Variants in HAO1 observed in about 807,000 individuals in gnomAD.
The protein encoded by HAO1 is hydroxyacid oxidase 1, also known as 2-Hydroxyacid oxidase 1.
HAO1 carries 34 observed loss-of-function variants against 39.7 expected under a neutral mutation model. The observed-to-expected ratio is 0.86, with a 90% confidence interval of 0.65 to 1.14. HAO1 has a LOEUF of 1.14. Ranked by LOEUF, HAO1 falls within the 50% of genes most tolerant of loss-of-function variation. The pLI, the probability that HAO1 is intolerant of heterozygous loss-of-function variation, is 0.00. For missense variants in HAO1, 479 were observed against 464.5 expected (o/e 1.03, Z -0.29); for synonymous variants, 172 against 173.2 (o/e 0.99, Z 0.05).
chr20:7,894,581 G>A (rs1485059778), intron 5 of HAO1, among the ~76,000 whole-genome samples: 1 of 152,130 alleles, frequency 6.6e-6, no homozygotes, highest in East Asian at 1.9e-4. Flanking sequence ...AGCCAGAGTA[G>A]CCTATTTGCA....
chr20:7,903,871 G>A (rs1176153131), intron 4 of HAO1, among the ~76,000 whole-genome samples: 3 of 146,556 alleles, frequency 2.0e-5, no homozygotes, highest in East Asian at 4.0e-4. Flanking sequence ...TGGTGGTGGT[G>A]GTGGTGGTGG....
chr20:7,931,698 G>C (rs912177154), intron 2 of HAO1, among the ~76,000 whole-genome samples: 52 of 152,062 alleles, frequency 3.4e-4, no homozygotes, highest in Admixed American at 3.3e-3. Flanking sequence ...GTTACTTCTG[G>C]AGGAAATAGT....
intron 2 of HAO1, among the ~76,000 whole-genome samples, chr20:7,918,824 A>C (rs1409036129): frequency 6.6e-6 from 1 of 152,230 alleles, no homozygotes; most frequent in African/African-American, 2.4e-5. Context: ...TTCATCAAAA[A>C]GTTCTGACTA....
intron 2 of HAO1, among the ~76,000 whole-genome samples, chr20:7,915,637 C>T (rs139377229): frequency 5.9e-5 from 9 of 152,112 alleles, no homozygotes; most frequent in African/African-American, 1.9e-4. Context: ...CTGTATCTAT[C>T]GAGAGAGAAA....
intron 1 of HAO1, among the ~76,000 whole-genome samples, chr20:7,937,065 G>C (rs2050416238): frequency 6.6e-6 from 1 of 152,086 alleles, no homozygotes; most frequent in Non-Finnish European, 1.5e-5. Context: ...TCAAAGGATA[G>C]AAAATGAGAT....
Position 7,914,287 on chromosome 20 carries a change from T to C in HAO1, c.422A>G (p.Lys141Arg). The C allele has an allele frequency of 6.2e-7, 1 of 1,614,074 alleles. No homozygotes were observed. The highest frequency in any genetic ancestry group is 1.1e-5 in the South Asian group (1 of 91,082). The stretch of plus-strand genomic sequence containing the variant: ...CTTCTCTGCCTGCCGCACTAGCTTC[T>C]TGGTGACTTCTCGGTCCTTGTAGAT... ...LYIYKDREVT[K>R]KLVRQAEKMG... Residue 141 changes from lysine to arginine, a missense_variant, in exon 3 of 8, where the codon AAG (lysine) becomes AGG (arginine). By Grantham distance (26) the Lys-to-Arg change is conservative. Transcript: ENST00000378789.
intron 7 of HAO1, among the ~76,000 whole-genome samples, chr20:7,883,955 A>G (rs2050139414): frequency 6.6e-6 from 1 of 152,250 alleles, no homozygotes; most frequent in Non-Finnish European, 1.5e-5. Context: ...ATTAAAATGC[A>G]TAGTGAGGAT....
chr20:7,890,457 G>A (rs542028203), intron 5 of HAO1, among the ~76,000 whole-genome samples: 60 of 152,184 alleles, frequency 3.9e-4, no homozygotes, highest in African/African-American at 1.3e-3. Context: ...CAGGTGATCT[G>A]CCCGTCTTGG....
intron 2 of HAO1, 109 bp from the exon 3 acceptor site, chr20:7,914,528 T>C: frequency 8.6e-7 from 1 of 1,157,666 alleles, no homozygotes; most frequent in Non-Finnish European, 1.2e-6. Flanking sequence ...TTTGGCAATA[T>C]GAAGTCAAAT....
intron 5 of HAO1, among the ~76,000 whole-genome samples, chr20:7,888,870 C>T (rs1363083742): frequency 2.0e-5 from 3 of 152,164 alleles, no homozygotes; most frequent in African/African-American, 7.2e-5. Flanking sequence ...GCCTTGCATG[C>T]TTCCACTCAC....
At chr20:7,906,013 G>A (rs571915256) in intron 4 of HAO1, 141 bp downstream of exon 4, 1 of 687,482 alleles carries the variant, frequency 1.5e-6, no homozygotes, top group Admixed American at 2.5e-5. Flanking sequence ...TCACTAACAT[G>A]AAAACAGAGA....
At chr20:7,932,205 T>C (rs1311984890) in intron 2 of HAO1, among the ~76,000 whole-genome samples, 1 of 152,182 alleles carries the variant, frequency 6.6e-6, no homozygotes, top group Non-Finnish European at 1.5e-5. Flanking sequence ...GATTGTAAGT[T>C]TCCTGAGGCC....
At chr20:7,915,731 G>A (rs2122778911) in intron 2 of HAO1, among the ~76,000 whole-genome samples, 1 of 152,040 alleles carries the variant, frequency 6.6e-6, no homozygotes, top group East Asian at 1.9e-4. Flanking sequence ...AAATAATATA[G>A]ACATAGAAAA....
At chr20:7,899,321 A>C (rs561472113) in intron 4 of HAO1, among the ~76,000 whole-genome samples, 11 of 152,304 alleles carry the variant, frequency 7.2e-5, no homozygotes, top group African/African-American at 2.2e-4. Context: ...TGCCTGATAC[A>C]TGTTGAACAC....
At chr20:7,894,089 A>C (rs1279759999) in intron 5 of HAO1, among the ~76,000 whole-genome samples, 1 of 152,146 alleles carries the variant, frequency 6.6e-6, no homozygotes, top group Non-Finnish European at 1.5e-5. Context: ...CCAAATCCCC[A>C]CAAGTGGACA....
chr20:7,929,422 A>C (rs993929904), intron 2 of HAO1, among the ~76,000 whole-genome samples: 1 of 152,196 alleles, frequency 6.6e-6, no homozygotes, highest in Non-Finnish European at 1.5e-5. Context: ...TTGAGCAAAC[A>C]TACAGGACAC....
At chr20:7,934,063 C>T (rs945186647) in intron 2 of HAO1, among the ~76,000 whole-genome samples, 8 of 152,120 alleles carry the variant, frequency 5.3e-5, no homozygotes, top group African/African-American at 1.9e-4. Context: ...GGCTGAATTC[C>T]AATTCTGTAA....
chr20:7,933,614 A>C (rs1283692862), intron 2 of HAO1, among the ~76,000 whole-genome samples: 1 of 152,232 alleles, frequency 6.6e-6, no homozygotes. Flanking sequence ...CAGACATTTC[A>C]AGAAGGGAAG....
intron 4 of HAO1, among the ~76,000 whole-genome samples, chr20:7,897,678 AT>A (rs1462540474): frequency 6.6e-6 from 1 of 151,894 alleles, no homozygotes; most frequent in Non-Finnish European, 1.5e-5. Context: ...GACTCTTCCT[AT>A]TTATATGTAT....
Sources: allele counts gnomAD v4.1 joint callset (sites outside exome capture counted in the v4.1 genomes callset), GRCh38; gene constraint gnomAD v4.1.1; transcripts MANE v1.5; gene names NCBI Gene and HGNC (gene_info 2026-07-23, HGNC 2026-07-21).